The following GOLGA4 variants were observed in gnomAD, a reference collection of about 807,000 sequenced individuals.
GOLGA4 encodes the protein golgin A4.
Under a neutral mutation model 265.9 loss-of-function variants are expected in GOLGA4, and 169 were observed. That is an observed-to-expected ratio of 0.64 (90% CI 0.56 to 0.72). The LOEUF is 0.72. GOLGA4 is among the 30% of genes least tolerant of loss of function. The probability of loss-of-function intolerance (pLI) is 0.00; values close to 1 mark genes in which losing one functional copy is unlikely to be tolerated. For missense variants in GOLGA4, 2,482 were observed against 2,483.4 expected (o/e 1.00, Z 0.01); for synonymous variants, 923 against 855.8 (o/e 1.08, Z -1.37).
rs553554856 is a variant in GOLGA4 at position 37,258,018 on chromosome 3, TA to T, written c.162+6535del. Reference sequence around the variant, plus strand: ...ATATGTATATATACATACATATATATATGTATGTATATATGTATATATACAT... The same window carrying T: ...ATATGTATATATACATACATATATATTGTATGTATATATGTATATATACAT... On this transcript the variant is annotated intron_variant, in intron 2 of 23. Coordinates refer to ENST00000361924, the MANE Select transcript of GOLGA4 (RefSeq NM_002078.5). Among the ~76,000 whole-genome samples the T allele has an allele frequency of 6.5e-4, 56 of 86,578 alleles. 5 individuals are homozygous for T. In the South Asian group the frequency reaches 0.014, roughly 22 times the overall value. The allele number at this position is 86,578 out of a possible 152,430, so 56.8% of individuals were successfully genotyped here.
rs191791901 is a variant in GOLGA4 at position 37,263,214 on chromosome 3, G to C, written c.162+11730G>C. Among the ~76,000 whole-genome samples the C allele has an allele frequency of 5.9e-5, 9 of 152,318 alleles. No individual in the cohort carries two copies. In the East Asian group the frequency reaches 1.7e-3, roughly 29 times the overall value. Reference sequence around the variant, plus strand: ...GTAACAGGATGGACTAGTTTGTAGCGTAGGAGCAATAGGCTCTACCATGTA... The same window carrying C: ...GTAACAGGATGGACTAGTTTGTAGCCTAGGAGCAATAGGCTCTACCATGTA... On this transcript the variant is annotated intron_variant, in intron 2 of 23. Coordinates refer to ENST00000361924, the MANE Select transcript of GOLGA4 (RefSeq NM_002078.5).
Position 37,302,166 on chromosome 3 carries a change from A to T in GOLGA4, c.1087-19A>T. The T allele has an allele frequency of 3.7e-6, 6 of 1,607,330 alleles. No homozygotes were observed. The highest frequency in any genetic ancestry group is 5.1e-6 in the Non-Finnish European group (6 of 1,174,840). Reference sequence around the variant, plus strand: ...CAGTTTTGTTATGCAAATGTTTTAGAGTCTTCACTTCTATTCAGGGAATGG... The same window carrying T: ...CAGTTTTGTTATGCAAATGTTTTAGTGTCTTCACTTCTATTCAGGGAATGG... On this transcript the variant is annotated intron_variant, in intron 9 of 23. Coordinates refer to ENST00000361924, the MANE Select transcript of GOLGA4 (RefSeq NM_002078.5).
Position 37,297,668 on chromosome 3 carries a change from C to T in GOLGA4, c.815-1165C>T, listed in dbSNP as rs549143369. On this transcript the variant is annotated intron_variant, in intron 7 of 23. Coordinates refer to ENST00000361924, the MANE Select transcript of GOLGA4 (RefSeq NM_002078.5). ...TACTAAGTAGAGGTTTGGAAGGGTG[C>T]CAGTTTATTAGCTGACTAGGGTTGT... 1.1e-4 allele frequency among the ~76,000 whole-genome samples: 16 copies of T among 152,124 alleles called. No homozygotes were observed. In the East Asian group the frequency reaches 2.9e-3, roughly 28 times the overall value.
At chr3:37,335,007 TTC>T in intron 16 of GOLGA4, 44 bp from the exon 17 acceptor site, 1 of 1,170,674 alleles carries the variant, frequency 8.5e-7, no homozygotes, top group Non-Finnish European at 1.2e-6. Flanking sequence ...TTACTAATGC[TTC>T]TTTTTTTTCT....
At chr3:37,329,130 T>C (rs772622489) in intron 16 of GOLGA4, 37 bp downstream of exon 16, 19 of 1,529,094 alleles carry the variant, frequency 1.2e-5, no homozygotes, top group Non-Finnish European at 1.7e-5. Context: ...CTTTTGAAAT[T>C]TAGCTGTAAT....
intron 2 of GOLGA4, chr3:37,275,835 T>G (rs1487207932): frequency 6.2e-7 from 1 of 1,613,678 alleles, no homozygotes; most frequent in East Asian, 2.2e-5. Flanking sequence ...AGAATCGGAA[T>G]GTCAGTTAAT....
At chr3:37,347,149 C>T in intron 20 of GOLGA4, 44 bp from the exon 21 acceptor site, 1 of 1,127,312 alleles carries the variant, frequency 8.9e-7, no homozygotes, top group East Asian at 2.4e-5. Flanking sequence ...AAGTAGTTTA[C>T]CTGGTTTTGT....
At position 37,327,454 on chromosome 3, in the gene GOLGA4, A is replaced by C; in HGVS notation, c.5568A>C (p.Ile1856=). 6.2e-7 allele frequency: 1 copy of C among 1,613,038 alleles called. No homozygotes were observed. The highest frequency in any genetic ancestry group is 8.5e-7 in the Non-Finnish European group (1 of 1,179,650). The part of the protein sequence containing the change: ...ELTCQILEQK[I]KELDSCLVRQ... ...CCTGTCAGATTTTGGAGCAAAAGAT[A>C]AAAGAGCTGGATTCCTGCTTAGTAA... The change falls in exon 14 of 24, where the codon ATA becomes ATC. Residue 1856 remains isoleucine (I), a synonymous_variant. Coordinates refer to ENST00000361924, the MANE Select transcript of GOLGA4 (RefSeq NM_002078.5).
chr3:37,361,922 T>C (rs4624520), intron 23 of GOLGA4, among the ~76,000 whole-genome samples: 64,020 of 152,134 alleles, frequency 0.42, 14,096 homozygotes, highest in African/African-American at 0.48. Context: ...GCATATGAAA[T>C]GTTTCAACGC....
intron 5 of GOLGA4, among the ~76,000 whole-genome samples, chr3:37,294,449 G>A (rs1025593057): frequency 2.0e-5 from 3 of 149,274 alleles, no homozygotes; most frequent in Non-Finnish European, 3.0e-5. Context: ...GCAGTGGCAA[G>A]CCTCAACTCA....
rs2096964118 is a variant in GOLGA4 at position 37,324,465 on chromosome 3, A to G, written c.2579A>G (p.Lys860Arg). The G allele has an allele frequency of 6.2e-7, 1 of 1,614,196 alleles. No individual in the cohort carries two copies. The highest frequency in any genetic ancestry group is 1.6e-4 in the Middle Eastern group (1 of 6,062). ...GTTTGTACTGAGTTAGATGCTCACA[A>G]AATCCAGGTGCAGGACTTAATGCAG... The part of the protein sequence containing the change: ...KDVCTELDAH[K>R]IQVQDLMQQL... The change falls in exon 14 of 24, where the codon AAA (lysine) becomes AGA (arginine). Residue 860 changes from lysine (K) to arginine (R), a missense_variant. By Grantham distance (26) the Lys-to-Arg change is conservative. This residue lies in a region of GOLGA4 where 1,536 missense variants were observed against 1,483.7 expected (regional missense o/e 1.04). Coordinates refer to ENST00000361924, the MANE Select transcript of GOLGA4 (RefSeq NM_002078.5).
intron 4 of GOLGA4, among the ~76,000 whole-genome samples, chr3:37,288,103 AT>A (rs1203747752): frequency 1.6e-3 from 190 of 118,544 alleles, no homozygotes; most frequent in Admixed American, 2.7e-3. Context: ...TAGCTTCTTG[AT>A]TTTTTTTTTT....
chr3:37,307,106 A>G (rs1407339639), intron 10 of GOLGA4, among the ~76,000 whole-genome samples: 2 of 152,202 alleles, frequency 1.3e-5, no homozygotes, highest in Non-Finnish European at 2.9e-5. Context: ...AGAGTATAGT[A>G]ACTTTTGTAA....
At chr3:37,338,267 A>G (rs1379917195) in intron 19 of GOLGA4, among the ~76,000 whole-genome samples, 1 of 152,222 alleles carries the variant, frequency 6.6e-6, no homozygotes, top group Non-Finnish European at 1.5e-5. Context: ...GCTAAGTTTG[A>G]AGGCTAAATC....
chr3:37,361,948 T>G (rs1696308631), intron 23 of GOLGA4, among the ~76,000 whole-genome samples: 1 of 152,220 alleles, frequency 6.6e-6, no homozygotes, highest in Non-Finnish European at 1.5e-5. Context: ...ACTGTCTTCA[T>G]CATTTAAACC....
At chr3:37,321,647 GA>G in intron 12 of GOLGA4, 83 bp from the exon 13 acceptor site, 1 of 1,254,516 alleles carries the variant, frequency 8.0e-7, no homozygotes, top group Non-Finnish European at 1.1e-6. Context: ...CAGATCAAAA[GA>G]AATGAATGAT....
In GOLGA4 at chr3:37,357,176, G is replaced by A. The variant is rs553464875; in HGVS notation, c.6663+1989G>A. 3.3e-5 allele frequency among the ~76,000 whole-genome samples: 5 copies of A among 152,212 alleles called. No individual in the cohort carries two copies. The South Asian group carries it at 1.0e-3, about 32-fold the overall frequency. On this transcript the variant is annotated intron_variant, in intron 22 of 23. Transcript: ENST00000361924. ...TATTCATTCTAGGTAGGGATGAAAT[G>A]GTAGCTGATTTATTCTTCCTGAAAG...
intron 2 of GOLGA4, among the ~76,000 whole-genome samples, chr3:37,267,116 G>A (rs2096785837): frequency 6.6e-6 from 1 of 152,162 alleles, no homozygotes; most frequent in Non-Finnish European, 1.5e-5. Flanking sequence ...TCTGATGGCT[G>A]GTGTGCTTCC....
chr3:37,329,051 T>C lies in GOLGA4; in HGVS notation c.6150T>C (p.Asp2050=). 6.2e-7 allele frequency: 1 copy of C among 1,611,128 alleles called. No individual in the cohort carries two copies. Among genetic ancestry groups the C allele is most frequent in the Admixed American group, 1.7e-5 (1 of 59,662 alleles). The change falls in exon 16 of 24, where the codon GAT becomes GAC. Residue 2050 remains aspartate, a synonymous_variant. Coordinates refer to ENST00000361924, the MANE Select transcript of GOLGA4 (RefSeq NM_002078.5). The part of the protein sequence containing the change: ...QLLKKIAEKD[D]DLKRTAKRYE... ...TTAAAAAAATTGCTGAGAAAGATGA[T>C]GATCTAAAACGAACAGCCAAAAGAT...
Sources: allele counts gnomAD v4.1 joint callset (sites outside exome capture counted in the v4.1 genomes callset), GRCh38; gene constraint gnomAD v4.1.1; regional missense constraint gnomAD v4.1.1; transcripts MANE v1.5; gene names NCBI Gene and HGNC (gene_info 2026-07-23, HGNC 2026-07-21).